The following RSRC1 variants were observed in gnomAD, a reference collection of about 807,000 sequenced individuals.
RSRC1 encodes the protein serine/Arginine-related protein 53.
A neutral mutation model predicts 49.1 loss-of-function variants in RSRC1; 39 were observed. The ratio of observed to expected loss-of-function variants is 0.79; its 90% CI spans 0.61 to 1.04. The LOEUF is 1.04. RSRC1 is among the 50% of genes least tolerant of loss of function. RSRC1 has a pLI of 0.00. For missense variants in RSRC1, 388 were observed against 402.4 expected, an observed-to-expected ratio of 0.96 and a Z score of 0.31; for synonymous variants, 143 against 130.8, an observed-to-expected ratio of 1.09 and a Z score of -0.63.
intron 5 of RSRC1, among the ~76,000 whole-genome samples, chr3:158,318,422 A>G: frequency 6.6e-6 from 1 of 152,208 alleles, no homozygotes; most frequent in East Asian, 1.9e-4. Context: ...AGTTTGAACC[A>G]TTCTAAAAGA....
chr3:158,187,840 T>C (rs1559934591), intron 3 of RSRC1, among the ~76,000 whole-genome samples: 1 of 152,108 alleles, frequency 6.6e-6, no homozygotes, highest in Non-Finnish European at 1.5e-5. Context: ...TTTCAGGTAA[T>C]TTCGTGTAGG....
intron 4 of RSRC1, among the ~76,000 whole-genome samples, chr3:158,225,071 G>C (rs698988): frequency 0.57 from 86,433 of 151,484 alleles, 25,026 homozygotes; most frequent in East Asian, 0.73. Context: ...CTTTTTGTCT[G>C]TCTTGACAAT....
chr3:158,499,475 A>G (rs957448967), intron 7 of RSRC1, among the ~76,000 whole-genome samples: 1 of 151,932 alleles, frequency 6.6e-6, no homozygotes, highest in Admixed American at 6.6e-5. Context: ...TTTTGGCAGT[A>G]TGGTCATTTT....
intron 7 of RSRC1, among the ~76,000 whole-genome samples, chr3:158,507,190 G>A (rs1448203849): frequency 2.6e-5 from 4 of 152,082 alleles, no homozygotes; most frequent in Non-Finnish European, 4.4e-5. Flanking sequence ...AGCTAAAAGG[G>A]TAGATCTCAT....
intron 5 of RSRC1, among the ~76,000 whole-genome samples, chr3:158,331,653 AAATGATTAAGTATCAGTATTTC>A (rs1729552572): frequency 6.6e-6 from 1 of 152,088 alleles, no homozygotes; most frequent in African/African-American, 2.4e-5. Flanking sequence ...TATAGTTAAC[AAATGATTAAGTATCAGTATTTC>A]ATATAGTTTA....
At chr3:158,517,747 C>T (rs1488161378) in intron 7 of RSRC1, among the ~76,000 whole-genome samples, 4 of 134,072 alleles carry the variant, frequency 3.0e-5, no homozygotes, top group African/African-American at 1.1e-4. Flanking sequence ...TACCACAACA[C>T]CCAGCTAATT....
intron 3 of RSRC1, among the ~76,000 whole-genome samples, chr3:158,192,359 C>T (rs372138983): frequency 6.6e-6 from 1 of 151,952 alleles, no homozygotes; most frequent in African/African-American, 2.4e-5. Flanking sequence ...ATGAATTGCT[C>T]GTATGAAGAT....
chr3:158,149,151 C>G (rs954833805), intron 3 of RSRC1, among the ~76,000 whole-genome samples: 2 of 152,204 alleles, frequency 1.3e-5, no homozygotes, highest in Admixed American at 6.5e-5. Context: ...TTACCTACTA[C>G]TGAGTACAGT....
intron 6 of RSRC1, among the ~76,000 whole-genome samples, chr3:158,358,816 A>G (rs963731376): frequency 6.6e-6 from 1 of 151,738 alleles, no homozygotes; most frequent in Non-Finnish European, 1.5e-5. Flanking sequence ...CCGTTTGTCT[A>G]TTCTGGATAT....
chr3:158,481,841 AATG>A (rs1424501366), intron 7 of RSRC1, among the ~76,000 whole-genome samples: 1 of 151,954 alleles, frequency 6.6e-6, no homozygotes, highest in East Asian at 1.9e-4. Context: ...TTGTCATTTA[AATG>A]ATAATAATGT....
chr3:158,544,086 G>A, intron 9 of RSRC1, 97 bp from the exon 10 acceptor site: 3 of 769,452 alleles, frequency 3.9e-6, no homozygotes, highest in Non-Finnish European at 6.6e-6. Context: ...ATCTTGTGTT[G>A]AGAGATATAT....
At chr3:158,198,697 G>A (rs906355841) in intron 3 of RSRC1, among the ~76,000 whole-genome samples, 1 of 152,220 alleles carries the variant, frequency 6.6e-6, no homozygotes, top group East Asian at 1.9e-4. Context: ...ACACTCCCCA[G>A]TGAGATGAAC....
intron 5 of RSRC1, among the ~76,000 whole-genome samples, chr3:158,350,898 C>A (rs1201961574): frequency 3.3e-5 from 5 of 151,886 alleles, no homozygotes; most frequent in Non-Finnish European, 7.4e-5. Flanking sequence ...GCACGCAGGC[C>A]CCAAAGGTAT....
At chr3:158,257,315 C>T (rs917874449) in intron 4 of RSRC1, among the ~76,000 whole-genome samples, 3 of 151,904 alleles carry the variant, frequency 2.0e-5, no homozygotes, top group African/African-American at 7.3e-5. Flanking sequence ...TTATTTCTGC[C>T]TTCATTTTAT....
intron 7 of RSRC1, among the ~76,000 whole-genome samples, chr3:158,471,632 A>G (rs1560057185): frequency 6.6e-6 from 1 of 152,112 alleles, no homozygotes; most frequent in Non-Finnish European, 1.5e-5. Context: ...GTAACATACA[A>G]CTCAGATGCC....
intron 4 of RSRC1, among the ~76,000 whole-genome samples, chr3:158,278,493 A>C (rs902433182): frequency 6.6e-6 from 1 of 152,158 alleles, no homozygotes; most frequent in African/African-American, 2.4e-5. Flanking sequence ...GCTAATTCTT[A>C]AGTCATTCCA....
intron 7 of RSRC1, among the ~76,000 whole-genome samples, chr3:158,513,874 C>A (rs968747310): frequency 4.6e-5 from 7 of 152,156 alleles, no homozygotes; most frequent in African/African-American, 1.4e-4. Flanking sequence ...GGAATTTATC[C>A]ATTTCTTCTA....
At chr3:158,218,595 G>A (rs1722075771) in intron 4 of RSRC1, among the ~76,000 whole-genome samples, 1 of 151,642 alleles carries the variant, frequency 6.6e-6, no homozygotes, top group African/African-American at 2.4e-5. Context: ...AGAGGAGAAT[G>A]AAAGTAGTCA....
intron 7 of RSRC1, among the ~76,000 whole-genome samples, chr3:158,470,134 G>C (rs1369603066): frequency 6.6e-6 from 1 of 151,776 alleles, no homozygotes. Flanking sequence ...AATGAAGCCA[G>C]GTGTGTAGTT....
Sources: gnomAD v4.1 joint callset for allele counts (sites outside exome capture counted in the v4.1 genomes callset) on GRCh38, gnomAD v4.1.1 for gene constraint, MANE v1.5 for transcripts, NCBI Gene and HGNC (gene_info 2026-07-23, HGNC 2026-07-21) for gene names.